Variants in EYA1 observed in about 807,000 individuals in gnomAD.
The protein encoded by EYA1 is EYA transcriptional coactivator and phosphatase 1, also known as protein phosphatase EYA1.
A neutral mutation model predicts 82.0 loss-of-function variants in EYA1; 16 were observed. The observed-to-expected ratio is 0.20, with a 90% confidence interval of 0.13 to 0.30. The LOEUF (loss-of-function observed/expected upper bound fraction) is 0.30. Ranked by LOEUF, EYA1 falls within the 10% of genes least tolerant of loss-of-function variation. The pLI, the probability that EYA1 is intolerant of heterozygous loss-of-function variation, is 1.00. For missense variants in EYA1, 633 were observed against 730.7 expected (o/e 0.87, Z 1.54); for synonymous variants, 261 against 264.4 (o/e 0.99, Z 0.12).
intron 2 of EYA1, among the ~76,000 whole-genome samples, chr8:71,425,757 G>A (rs2129154765): frequency 6.6e-6 from 1 of 152,246 alleles, no homozygotes; most frequent in African/African-American, 2.4e-5. Flanking sequence ...TTGGAATCAT[G>A]TCCCAGTATT....
chr8:71,263,374 T>C (rs1815374646), intron 11 of EYA1, among the ~76,000 whole-genome samples: 1 of 152,232 alleles, frequency 6.6e-6, no homozygotes, highest in South Asian at 2.1e-4. Context: ...TACTATTATT[T>C]GTACCACCAA....
chr8:71,378,108 C>A (rs1209246071), intron 2 of EYA1, among the ~76,000 whole-genome samples: 1 of 152,026 alleles, frequency 6.6e-6, no homozygotes, highest in African/African-American at 2.4e-5. Context: ...ACCAAAGCCC[C>A]ATCTCTAATA....
chr8:71,203,989 A>C (rs1200655025), intron 17 of EYA1, among the ~76,000 whole-genome samples: 2 of 152,146 alleles, frequency 1.3e-5, no homozygotes. Flanking sequence ...AGAACATGGG[A>C]TATTTACCCA....
chr8:71,306,145 A>G (rs1340482154), intron 7 of EYA1, among the ~76,000 whole-genome samples: 3 of 152,208 alleles, frequency 2.0e-5, no homozygotes, highest in Non-Finnish European at 4.4e-5. Context: ...GCAAAATGAC[A>G]TGAAGACACC....
chr8:71,275,623 A>G (rs1279661701), intron 9 of EYA1, among the ~76,000 whole-genome samples: 3 of 152,210 alleles, frequency 2.0e-5, no homozygotes, highest in South Asian at 4.1e-4. Context: ...ATGGCAGATG[A>G]AAAAGTATGT....
chr8:71,535,914 A>C, intron 1 of EYA1: 3 of 461,826 alleles, frequency 6.5e-6, no homozygotes, highest in Non-Finnish European at 1.1e-5. Flanking sequence ...GCTGGCCTTC[A>C]CATCTGCAGC....
Position 71,256,915 on chromosome 8 carries a change from C to T in EYA1, c.1051-12223G>A, listed in dbSNP as rs77720968. Among the ~76,000 whole-genome samples, 923 of 152,048 alleles carry T rather than the reference C, an allele frequency of 6.1e-3. 12 individuals carry two copies. Among genetic ancestry groups the T allele is most frequent in the African/African-American group, 0.021 (868 of 41,492 alleles). ...ATGGGAGGCTGAGGTAGGAGAATCG[C>T]CTGAACCCGGGAGACGGAGGTTGCA... On this transcript the variant is annotated intron_variant, in intron 11 of 17. Transcript: ENST00000340726.
At chr8:71,543,713 G>T (rs142997553) in intron 1 of EYA1, among the ~76,000 whole-genome samples, 1,929 of 152,278 alleles carry the variant, frequency 0.013, 23 homozygotes, top group Non-Finnish European at 0.019. Context: ...ATTTTTAGGT[G>T]TAGAAATGAA....
At chr8:71,397,958 T>G (rs936382168) in intron 2 of EYA1, among the ~76,000 whole-genome samples, 2 of 152,222 alleles carry the variant, frequency 1.3e-5, no homozygotes, top group Non-Finnish European at 2.9e-5. Context: ...TTTCACATAG[T>G]TCCATATTTC....
chr8:71,394,459 A>G (rs941515111), intron 2 of EYA1, among the ~76,000 whole-genome samples: 4 of 152,002 alleles, frequency 2.6e-5, no homozygotes, highest in Admixed American at 1.3e-4. Context: ...ATCTTGAATT[A>G]ATTTTTGTAT....
chr8:71,408,176 A>C (rs1830377259), intron 2 of EYA1, among the ~76,000 whole-genome samples: 1 of 152,042 alleles, frequency 6.6e-6, no homozygotes, highest in Non-Finnish European at 1.5e-5. Context: ...AAATGCTGAG[A>C]GATTTTGTCA....
intron 2 of EYA1, among the ~76,000 whole-genome samples, chr8:71,469,602 T>G (rs1236587730): frequency 6.6e-6 from 1 of 152,140 alleles, no homozygotes; most frequent in Non-Finnish European, 1.5e-5. Flanking sequence ...TGCATGTAAA[T>G]ATATATGTAC....
chr8:71,504,708 C>A (rs1463360266), intron 2 of EYA1, among the ~76,000 whole-genome samples: 1 of 152,092 alleles, frequency 6.6e-6, no homozygotes, highest in African/African-American at 2.4e-5. Flanking sequence ...GGGGCAGAGT[C>A]CTTGCATCTC....
intron 11 of EYA1, among the ~76,000 whole-genome samples, chr8:71,253,819 CT>C (rs1814044433): frequency 6.6e-6 from 1 of 152,138 alleles, no homozygotes; most frequent in Non-Finnish European, 1.5e-5. Context: ...TACTTGTCCA[CT>C]AAAGGTAACG....
At chr8:71,379,329 C>T (rs977718678) in intron 2 of EYA1, among the ~76,000 whole-genome samples, 10 of 151,896 alleles carry the variant, frequency 6.6e-5, no homozygotes, top group Non-Finnish European at 4.4e-5. Flanking sequence ...CAGAGAACAC[C>T]CAGCACAGCA....
chr8:71,507,136 C>T lies in EYA1; in HGVS notation c.33+28608G>A, dbSNP rs574262818. ...GCACTAGTCTAGCTCTTTACACATA[C>T]TAACACATATAGTTCTTAAAGCAGC... is the stretch of plus-strand genomic sequence containing the variant. On this transcript the variant is annotated intron_variant, in intron 2 of 18. Transcript: ENST00000643681. Among the ~76,000 whole-genome samples the T allele has an allele frequency of 5.3e-5, 8 of 152,252 alleles. No homozygotes were observed. In the South Asian group the frequency reaches 1.2e-3, roughly 24 times the overall value.
chr8:71,235,478 C>A (rs896264206), intron 12 of EYA1, among the ~76,000 whole-genome samples: 2 of 152,118 alleles, frequency 1.3e-5, no homozygotes, highest in African/African-American at 4.8e-5. Flanking sequence ...CCCTTCTTGA[C>A]AAATGTTACC....
chr8:71,404,232 A>C (rs558133558), intron 2 of EYA1: 2 of 152,336 alleles, frequency 1.3e-5, no homozygotes, highest in South Asian at 4.1e-4. Context: ...GGCATTTTGG[A>C]GTTGTCCATA....
intron 12 of EYA1, among the ~76,000 whole-genome samples, chr8:71,230,283 C>G (rs900767041): frequency 6.6e-6 from 1 of 152,138 alleles, no homozygotes; most frequent in Admixed American, 6.5e-5. Flanking sequence ...GACTCTCTCC[C>G]AGATTGAAGA....
Sources: allele counts gnomAD v4.1 joint callset (sites outside exome capture counted in the v4.1 genomes callset), GRCh38; gene constraint gnomAD v4.1.1; transcripts MANE v1.5; gene names NCBI Gene and HGNC (gene_info 2026-07-23, HGNC 2026-07-21).